DMXL2: variants seen among roughly 807,000 people sequenced by gnomAD.
DMXL2 encodes Dmx like 2.
A neutral mutation model predicts 331.1 loss-of-function variants in DMXL2; 103 were observed. That is an observed-to-expected ratio of 0.31 (90% CI 0.27 to 0.37). The LOEUF is 0.37. Among genes scored for constraint, DMXL2 ranks in the 10% least tolerant of loss-of-function variants. DMXL2 has a pLI of 1.00. For missense variants in DMXL2, 3,171 were observed against 3,642.9 expected (o/e 0.87, Z 3.33); for synonymous variants, 1,281 against 1,252.1 (o/e 1.02, Z -0.49).
intron 41 of DMXL2, 61 bp from the exon 42 acceptor site, chr15:51,451,758 G>T: frequency 7.1e-7 from 1 of 1,411,586 alleles, no homozygotes; most frequent in Non-Finnish European, 1.0e-6. Context: ...TCGTCATCAG[G>T]GACAACCTGT....
chr15:51,531,391 T>C (rs2047995939), intron 13 of DMXL2, among the ~76,000 whole-genome samples: 1 of 152,086 alleles, frequency 6.6e-6, no homozygotes, highest in Non-Finnish European at 1.5e-5. Context: ...TCAAAATGGA[T>C]TAAAGATTTA....
At chr15:51,537,907 T>C in intron 10 of DMXL2, 148 bp from the exon 11 acceptor site, 1 of 1,035,510 alleles carries the variant, frequency 9.7e-7, no homozygotes, top group Non-Finnish European at 1.4e-6. Flanking sequence ...TTTGTCTGAA[T>C]TGAATGTTAC....
intron 29 of DMXL2, among the ~76,000 whole-genome samples, chr15:51,469,987 C>G (rs558696184): frequency 1.3e-5 from 2 of 152,242 alleles, no homozygotes; most frequent in Admixed American, 6.5e-5. Context: ...ATCTGGAGAG[C>G]TTGTTAAGAC....
chr15:51,600,341 A>G (rs2053142826), intron 1 of DMXL2, among the ~76,000 whole-genome samples: 1 of 152,168 alleles, frequency 6.6e-6, no homozygotes. Flanking sequence ...AACCCTGCAC[A>G]GATATGCCTC....
chr15:51,472,818 C>T (rs1274200542), intron 28 of DMXL2, among the ~76,000 whole-genome samples: 1 of 152,146 alleles, frequency 6.6e-6, no homozygotes, highest in East Asian at 1.9e-4. Flanking sequence ...TCCCTACCAC[C>T]AGCCTCCCTA....
chr15:51,512,375 G>A (rs532779175), intron 15 of DMXL2, among the ~76,000 whole-genome samples: 17 of 152,230 alleles, frequency 1.1e-4, no homozygotes, highest in African/African-American at 4.1e-4. Flanking sequence ...ACATTTTTTA[G>A]ACAACTGGAA....
rs1271944138 is a variant in DMXL2 at position 51,622,550 on chromosome 15, G to A, written c.-5C>T. Reference sequence around the variant, plus strand: ...GAGGACCTGATGCAGATGCATCTCCGGAGCCCGGGCTGGACAGAATGCGCG... The same window carrying A: ...GAGGACCTGATGCAGATGCATCTCCAGAGCCCGGGCTGGACAGAATGCGCG... On this transcript the variant is annotated 5_prime_UTR_variant, in exon 1 of 44. Coordinates refer to ENST00000560891, the MANE Select transcript of DMXL2 (RefSeq NM_001378457.1). 3 of 1,551,664 alleles carry A rather than the reference G, an allele frequency of 1.9e-6. No individual in the cohort carries two copies. The highest frequency in any genetic ancestry group is 1.9e-5 in the Admixed American group (1 of 51,366).
chr15:51,502,326 G>A (rs1260588117), intron 17 of DMXL2, among the ~76,000 whole-genome samples: 1 of 151,322 alleles, frequency 6.6e-6, no homozygotes, highest in Non-Finnish European at 1.5e-5. Flanking sequence ...GTGTGTGTGT[G>A]TGTGTGTGTG....
chr15:51,545,099 C>T (rs2048819346), intron 8 of DMXL2, among the ~76,000 whole-genome samples: 1 of 152,088 alleles, frequency 6.6e-6, no homozygotes, highest in Admixed American at 6.5e-5. Context: ...ATCATGGAAA[C>T]TCCAAAGCAG....
intron 1 of DMXL2, among the ~76,000 whole-genome samples, chr15:51,582,485 A>G (rs2051499094): frequency 6.6e-6 from 1 of 152,322 alleles, no homozygotes; most frequent in Non-Finnish European, 1.5e-5. Context: ...ACTTGGCTGT[A>G]CCAAGAGATC....
At chr15:51,599,644 T>C (rs1595699886) in intron 1 of DMXL2, among the ~76,000 whole-genome samples, 1 of 152,242 alleles carries the variant, frequency 6.6e-6, no homozygotes, top group East Asian at 1.9e-4. Flanking sequence ...TACACATCTA[T>C]GAGGTCACAC....
At chr15:51,552,942 T>C (rs566298639) in intron 6 of DMXL2, among the ~76,000 whole-genome samples, 1 of 152,338 alleles carries the variant, frequency 6.6e-6, no homozygotes, top group African/African-American at 2.4e-5. Flanking sequence ...CTAATTCCTA[T>C]TTCAGAGCAT....
Position 51,499,229 on chromosome 15 carries a change from C to T in DMXL2, c.3995G>A (p.Gly1332Asp). Residue 1332 changes from glycine to aspartate, a missense_variant, in exon 18 of 44, where the codon GGC becomes GAC. This residue lies in a region of DMXL2 where 1,674 missense variants were observed against 1,780.2 expected (regional missense o/e 0.94). Coordinates refer to ENST00000560891, the MANE Select transcript of DMXL2 (RefSeq NM_001378457.1). ...AAGTACATGTGCAGCCTCAAATAAG[C>T]CACCATCTTGAATTACAGTTGGTGA... ...FCSPTVIQDG[G>D]LFEAAHVLSP... 1 of 1,613,930 alleles carries T rather than the reference C, an allele frequency of 6.2e-7. No individual in the cohort carries two copies. The highest frequency in any genetic ancestry group is 8.5e-7 in the Non-Finnish European group (1 of 1,179,994).
At chr15:51,472,737 G>C (rs542972180) in intron 28 of DMXL2, among the ~76,000 whole-genome samples, 1 of 152,128 alleles carries the variant, frequency 6.6e-6, no homozygotes, top group African/African-American at 2.4e-5. Flanking sequence ...TCCATTGCAC[G>C]AATATACCAC....
chr15:51,544,480 A>AT (rs2048784627), intron 8 of DMXL2, among the ~76,000 whole-genome samples: 1 of 152,124 alleles, frequency 6.6e-6, no homozygotes, highest in African/African-American at 2.4e-5. Context: ...ACCTCTTTTC[A>AT]TTATAAATCA....
intron 13 of DMXL2, among the ~76,000 whole-genome samples, chr15:51,518,028 A>G (rs2047133901): frequency 6.6e-6 from 1 of 152,142 alleles, no homozygotes; most frequent in African/African-American, 2.4e-5. Flanking sequence ...GTTAGCTCAG[A>G]CATTTAGAAA....
rs753115653 is a variant in DMXL2 at position 51,458,522 on chromosome 15, C to T, written c.8182G>A (p.Asp2728Asn). 5 of 1,613,630 alleles carry T rather than the reference C, an allele frequency of 3.1e-6. No individual in the cohort carries two copies. Among genetic ancestry groups the T allele is most frequent in the Non-Finnish European group, 4.2e-6 (5 of 1,179,788 alleles). Residue 2728 changes from aspartate (D) to asparagine (N), a missense_variant, in exon 36 of 44, where the codon GAC (aspartate) becomes AAC (asparagine). Physicochemically the swap from Asp to Asn is conservative, Grantham distance 23. This residue lies in a region of DMXL2 where 766 missense variants were observed against 940.5 expected (regional missense o/e 0.81). Transcript: ENST00000560891. ...QSYIWIGEEYDRESKSSDDVD... is the reference protein window; with the variant it reads ...QSYIWIGEEYNRESKSSDDVD... Reference sequence around the variant, plus strand: ...GAGACAAACCTTTTGGATTCTCTGTCATATTCTTCTCCGATCCATATGTAT... The same window carrying T: ...GAGACAAACCTTTTGGATTCTCTGTTATATTCTTCTCCGATCCATATGTAT...
At chr15:51,576,692 A>G (rs1207101042) in intron 1 of DMXL2, among the ~76,000 whole-genome samples, 1 of 152,218 alleles carries the variant, frequency 6.6e-6, no homozygotes, top group Non-Finnish European at 1.5e-5. Context: ...TACATGCACT[A>G]AGGCAATGGC....
intron 13 of DMXL2, among the ~76,000 whole-genome samples, chr15:51,524,538 A>G (rs571660440): frequency 1.6e-4 from 25 of 152,016 alleles, no homozygotes; most frequent in African/African-American, 5.1e-4. Context: ...CACCAACACC[A>G]CTCTTCTCCC....
Sources: allele counts gnomAD v4.1 joint callset (sites outside exome capture counted in the v4.1 genomes callset), GRCh38; gene constraint gnomAD v4.1.1; regional missense constraint gnomAD v4.1.1; transcripts MANE v1.5; gene names NCBI Gene and HGNC (gene_info 2026-07-23, HGNC 2026-07-21).